The following TAFA2 variants were observed in gnomAD, a reference collection of about 807,000 sequenced individuals.
The protein encoded by TAFA2 is TAFA chemokine like family member 2, also known as chemokine-like protein TAFA-2.
A neutral mutation model predicts 18.8 loss-of-function variants in TAFA2; 7 were observed. The observed-to-expected ratio is 0.37, with a 90% confidence interval of 0.21 to 0.70. TAFA2 has a LOEUF of 0.70. Among genes scored for constraint, TAFA2 ranks in the 30% least tolerant of loss-of-function variants. TAFA2 has a pLI of 0.53. For synonymous variants in TAFA2, 60 were observed against 54.2 expected, an observed-to-expected ratio of 1.11 and a Z score of -0.47; for missense variants, 122 against 158.1, an observed-to-expected ratio of 0.77 and a Z score of 1.23.
intron 1 of TAFA2, among the ~76,000 whole-genome samples, chr12:62,026,875 G>A (rs1161960971): frequency 6.6e-6 from 1 of 152,120 alleles, no homozygotes; most frequent in Non-Finnish European, 1.5e-5. Context: ...TAAACAGCAT[G>A]AGATAAATCA....
At chr12:61,744,270 T>C (rs1271103268) in intron 4 of TAFA2, among the ~76,000 whole-genome samples, 1 of 152,112 alleles carries the variant, frequency 6.6e-6, no homozygotes, top group Non-Finnish European at 1.5e-5. Flanking sequence ...CAATTAACTG[T>C]AAGATTATAA....
At chr12:62,146,284 CT>C (rs11415151) in intron 1 of TAFA2, among the ~76,000 whole-genome samples, 12,494 of 117,366 alleles carry the variant, frequency 0.11, 455 homozygotes, top group Middle Eastern at 0.14. Context: ...CCCTTTGCTG[CT>C]TTTTTTTTTT....
At chr12:62,198,113 T>C (rs1478129055) in intron 1 of TAFA2, 2 of 152,160 alleles carry the variant, frequency 1.3e-5, no homozygotes, top group Admixed American at 6.5e-5. Context: ...AAAGGCTTTG[T>C]ATTATATCCA....
chr12:61,794,643 C>G (rs1871118118), intron 2 of TAFA2, among the ~76,000 whole-genome samples: 1 of 151,928 alleles, frequency 6.6e-6, no homozygotes, highest in Admixed American at 6.6e-5. Context: ...AAAAGCCCAG[C>G]AGCAATGTTG....
At chr12:61,955,665 A>ATATT (rs1555178831) in intron 1 of TAFA2, among the ~76,000 whole-genome samples, 6 of 120,454 alleles carry the variant, frequency 5.0e-5, no homozygotes, top group African/African-American at 2.0e-4. Context: ...ATATATATAT[A>ATATT]TATATTTAAT....
intron 1 of TAFA2, among the ~76,000 whole-genome samples, chr12:62,058,240 T>C (rs919834580): frequency 1.3e-5 from 2 of 152,186 alleles, no homozygotes; most frequent in Non-Finnish European, 2.9e-5. Context: ...ATGATGGGCC[T>C]TTAGTGAGAT....
At chr12:61,794,730 G>T (rs988824201) in intron 2 of TAFA2, among the ~76,000 whole-genome samples, 1 of 151,982 alleles carries the variant, frequency 6.6e-6, no homozygotes, top group Non-Finnish European at 1.5e-5. Flanking sequence ...TTGACAAATG[G>T]GATCTAATTC....
chr12:61,868,038 G>A (rs1029633203), intron 1 of TAFA2, among the ~76,000 whole-genome samples: 1 of 152,046 alleles, frequency 6.6e-6, no homozygotes, highest in Non-Finnish European at 1.5e-5. Context: ...CCAGAGGTAG[G>A]AGAAAAATGA....
chr12:62,042,774 C>T (rs1235111769), intron 1 of TAFA2, among the ~76,000 whole-genome samples: 3 of 152,034 alleles, frequency 2.0e-5, no homozygotes, highest in Non-Finnish European at 4.4e-5. Flanking sequence ...CTGCCTCATT[C>T]CAGCGGGGTC....
intron 2 of TAFA2, among the ~76,000 whole-genome samples, chr12:61,775,173 T>C (rs1870203362): frequency 6.6e-6 from 1 of 151,852 alleles, no homozygotes; most frequent in African/African-American, 2.4e-5. Flanking sequence ...GGCAAGGATG[T>C]GGAGCAACAA....
intron 4 of TAFA2, among the ~76,000 whole-genome samples, chr12:61,713,864 T>C (rs1869526524): frequency 6.6e-6 from 1 of 152,224 alleles, no homozygotes; most frequent in Non-Finnish European, 1.5e-5. Context: ...AACACCCTGA[T>C]ATGCAAGATT....
At chr12:62,193,898 ATG>A (rs1456105747), upstream of TAFA2, among the ~76,000 whole-genome samples, 11 of 152,248 alleles carry the variant, frequency 7.2e-5, 1 homozygote, top group Middle Eastern at 3.2e-3. Flanking sequence ...AAAGAAAAGA[ATG>A]TATTTTTTAA....
intron 1 of TAFA2, among the ~76,000 whole-genome samples, chr12:62,162,594 T>A (rs943863235): frequency 5.3e-5 from 8 of 152,172 alleles, no homozygotes; most frequent in Non-Finnish European, 7.4e-5. Flanking sequence ...AAGGAGTTCT[T>A]GTCTTTAATT....
At chr12:62,018,097 T>G (rs1243294000) in intron 1 of TAFA2, among the ~76,000 whole-genome samples, 1 of 152,206 alleles carries the variant, frequency 6.6e-6, no homozygotes, top group Non-Finnish European at 1.5e-5. Context: ...AGATATGATA[T>G]AAGGTACTGG....
chr12:61,834,105 C>T (rs917986457), intron 2 of TAFA2, among the ~76,000 whole-genome samples: 1 of 151,976 alleles, frequency 6.6e-6, no homozygotes, highest in African/African-American at 2.4e-5. Context: ...GTGTTTATTC[C>T]ATGTACCAGG....
At chr12:61,720,826 C>CT in intron 4 of TAFA2, 1 of 481,448 alleles carries the variant, frequency 2.1e-6, no homozygotes, top group Non-Finnish European at 4.2e-6. Flanking sequence ...GGAGCCAAAA[C>CT]TTTTTTGAGT....
At chr12:62,259,425 T>C (rs1389955391), upstream of TAFA2, 4 of 152,220 alleles carry the variant, frequency 2.6e-5, no homozygotes, top group Non-Finnish European at 4.4e-5. Flanking sequence ...GGAGAGGCAG[T>C]GAGTGTGCTA....
chr12:61,900,329 T>C (rs952666496), intron 1 of TAFA2, among the ~76,000 whole-genome samples: 1 of 152,208 alleles, frequency 6.6e-6, no homozygotes, highest in Non-Finnish European at 1.5e-5. Context: ...CCAGCAACAA[T>C]GTGTAAGTTT....
chr12:62,071,248 T>C (rs1294881352), intron 1 of TAFA2, among the ~76,000 whole-genome samples: 1 of 151,996 alleles, frequency 6.6e-6, no homozygotes, highest in East Asian at 1.9e-4. Context: ...TAGGCTGAAA[T>C]CGGAATGCTA....
Sources: allele counts gnomAD v4.1 joint callset (sites outside exome capture counted in the v4.1 genomes callset), GRCh38; gene constraint gnomAD v4.1.1; transcripts MANE v1.5; gene names NCBI Gene and HGNC (gene_info 2026-07-23, HGNC 2026-07-21).